Variants in PDE1A observed in about 807,000 individuals in gnomAD.
The protein encoded by PDE1A is dual specificity calcium/calmodulin-dependent 3',5'-cyclic nucleotide phosphodiesterase 1A.
PDE1A carries 35 observed loss-of-function variants against 61.7 expected under a neutral mutation model. The observed-to-expected ratio is 0.57, with a 90% CI of 0.43 to 0.75. The LOEUF (loss-of-function observed/expected upper bound fraction) is 0.75. Ranked by LOEUF, PDE1A falls within the 30% of genes least tolerant of loss-of-function variation. The pLI is 0.00. For missense variants in PDE1A, 597 were observed against 630.6 expected (o/e 0.95, Z 0.57); for synonymous variants, 232 against 213.2 (o/e 1.09, Z -0.77).
chr2:182,363,916 G>A (rs1699662960), intron 1 of PDE1A, among the ~76,000 whole-genome samples: 1 of 151,948 alleles, frequency 6.6e-6, no homozygotes, highest in Admixed American at 6.6e-5. Flanking sequence ...TAGATAGAAA[G>A]AACAAGCCAT....
intron 13 of PDE1A, among the ~76,000 whole-genome samples, chr2:182,177,375 G>A (rs1684341293): frequency 6.6e-6 from 1 of 151,960 alleles, no homozygotes; most frequent in South Asian, 2.1e-4. Flanking sequence ...CCTGTTATTG[G>A]TCTATTCAGA....
chr2:182,439,362 G>A (rs922058487), intron 2 of PDE1A, among the ~76,000 whole-genome samples: 1 of 151,928 alleles, frequency 6.6e-6, no homozygotes, highest in African/African-American at 2.4e-5. Context: ...GAACGTGGAT[G>A]GTCTTGCTCA....
chr2:182,531,715 A>C, the PDE1A span, among the ~76,000 whole-genome samples: 1 of 152,136 alleles, frequency 6.6e-6, no homozygotes, highest in Non-Finnish European at 1.5e-5. Context: ...GGGTTTTTTA[A>C]TATACTTTAA....
chr2:182,596,324 G>A, the PDE1A span, among the ~76,000 whole-genome samples: 14 of 152,146 alleles, frequency 9.2e-5, no homozygotes, highest in Non-Finnish European at 1.6e-4. Context: ...GAAGAGCACA[G>A]AGTGATCAAG....
At chr2:182,633,028 A>G in the PDE1A span, among the ~76,000 whole-genome samples, 1 of 152,214 alleles carries the variant, frequency 6.6e-6, no homozygotes, top group African/African-American at 2.4e-5. Flanking sequence ...CTTCCCTTCA[A>G]ATTATGCTAT....
the PDE1A span, among the ~76,000 whole-genome samples, chr2:182,536,306 A>G: frequency 6.6e-6 from 1 of 152,234 alleles, no homozygotes; most frequent in Non-Finnish European, 1.5e-5. Context: ...AAATTTTAGT[A>G]TATTCTATCC....
intron 4 of PDE1A, among the ~76,000 whole-genome samples, chr2:182,232,056 A>G (rs1359289968): frequency 6.6e-6 from 1 of 152,188 alleles, no homozygotes; most frequent in Non-Finnish European, 1.5e-5. Flanking sequence ...ATTTACTAAT[A>G]CTTTGCTTGA....
chr2:182,268,471 A>G (rs2125806235), intron 1 of PDE1A, among the ~76,000 whole-genome samples: 1 of 152,208 alleles, frequency 6.6e-6, no homozygotes, highest in East Asian at 1.9e-4. Context: ...ATATATACAT[A>G]TATAATGCAT....
the PDE1A span, among the ~76,000 whole-genome samples, chr2:182,568,495 T>C: frequency 1.3e-5 from 2 of 151,936 alleles, no homozygotes; most frequent in Non-Finnish European, 2.9e-5. Flanking sequence ...TGAAACCCCA[T>C]CTCTACTAAA....
intron 1 of PDE1A, among the ~76,000 whole-genome samples, chr2:182,374,860 T>TA (rs1238923428): frequency 6.6e-6 from 1 of 152,208 alleles, no homozygotes. Context: ...TAACTGAACT[T>TA]ACAGTTGCAT....
At chr2:182,617,180 A>G in the PDE1A span, among the ~76,000 whole-genome samples, 2 of 149,716 alleles carry the variant, frequency 1.3e-5, no homozygotes, top group Admixed American at 1.3e-4. Flanking sequence ...CTTGATATAC[A>G]TGATATCAAC....
At chr2:182,593,013 A>G in the PDE1A span, among the ~76,000 whole-genome samples, 1 of 152,142 alleles carries the variant, frequency 6.6e-6, no homozygotes, top group African/African-American at 2.4e-5. Flanking sequence ...CCCTCTCAGA[A>G]GAAACAGGAA....
At chr2:182,231,750 C>CA (rs532591180) in intron 4 of PDE1A, among the ~76,000 whole-genome samples, 1 of 151,668 alleles carries the variant, frequency 6.6e-6, no homozygotes, top group South Asian at 2.1e-4. Context: ...CCCATCTCTA[C>CA]AAAAAAATAC....
At chr2:182,328,653 T>C (rs1042988586) in intron 1 of PDE1A, among the ~76,000 whole-genome samples, 3 of 152,072 alleles carry the variant, frequency 2.0e-5, no homozygotes, top group Non-Finnish European at 2.9e-5. Flanking sequence ...GTACGGTTAT[T>C]AGGTCTAGAG....
At chr2:182,526,764 C>G (rs1047010592), upstream of PDE1A, among the ~76,000 whole-genome samples, 1 of 152,096 alleles carries the variant, frequency 6.6e-6, no homozygotes, top group African/African-American at 2.4e-5. Flanking sequence ...TGAAACACAC[C>G]TCTTAAAATT....
the PDE1A span, among the ~76,000 whole-genome samples, chr2:182,559,534 C>T: frequency 1.3e-5 from 2 of 152,106 alleles, no homozygotes; most frequent in East Asian, 1.9e-4. Flanking sequence ...CTTGTATAAA[C>T]GTAAATGGAT....
chr2:182,385,106 A>G (rs536479972), intron 1 of PDE1A, among the ~76,000 whole-genome samples: 1 of 152,346 alleles, frequency 6.6e-6, no homozygotes, highest in East Asian at 1.9e-4. Flanking sequence ...CAACTTTCCC[A>G]GAAAAACAAA....
intron 1 of PDE1A, among the ~76,000 whole-genome samples, chr2:182,293,090 AT>A (rs1694645480): frequency 6.6e-6 from 1 of 152,084 alleles, no homozygotes; most frequent in Non-Finnish European, 1.5e-5. Context: ...TCTTTTCAAG[AT>A]TTAGAACCTT....
At chr2:182,362,778 C>A (rs1264258869) in intron 1 of PDE1A, among the ~76,000 whole-genome samples, 1 of 151,994 alleles carries the variant, frequency 6.6e-6, no homozygotes, top group Non-Finnish European at 1.5e-5. Context: ...CTATTCATTG[C>A]AGCACTATTC....
Sources: allele counts gnomAD v4.1 joint callset (sites outside exome capture counted in the v4.1 genomes callset), GRCh38; gene constraint gnomAD v4.1.1; transcripts MANE v1.5; gene names NCBI Gene and HGNC (gene_info 2026-07-23, HGNC 2026-07-21).